GRIP1: variants seen among roughly 807,000 people sequenced by gnomAD.
GRIP1 encodes glutamate receptor-interacting protein 1.
GRIP1 carries 45 observed loss-of-function variants against 129.9 expected under a neutral mutation model. That is an observed-to-expected ratio of 0.35 (90% CI 0.27 to 0.44). GRIP1 has a LOEUF of 0.44. Among genes scored for constraint, GRIP1 ranks in the 20% least tolerant of loss-of-function variants. The pLI is 1.00. For missense variants in GRIP1, 1,196 were observed against 1,396.8 expected (o/e 0.86, Z 2.29); for synonymous variants, 530 against 520.8 (o/e 1.02, Z -0.24).
intron 1 of GRIP1, among the ~76,000 whole-genome samples, chr12:66,763,640 G>T (rs552254100): frequency 6.6e-6 from 1 of 152,068 alleles, no homozygotes; most frequent in African/African-American, 2.4e-5. Flanking sequence ...ATAAAGCCAC[G>T]GAAGACAACC....
chr12:66,533,965 T>G lies in GRIP1; in HGVS notation c.419-4051A>C, dbSNP rs187058706. ...GACTCAAACTGCTGTGATCCTGAGA[T>G]AGCTACCAGTCTTGGCCTTGGGTCG... On this transcript the variant is annotated intron_variant, in intron 4 of 24. Coordinates refer to ENST00000359742, the MANE Select transcript of GRIP1 (RefSeq NM_001366722.1). Among the ~76,000 whole-genome samples the G allele has an allele frequency of 3.9e-5, 6 of 152,234 alleles. No individual in the cohort carries two copies. In the East Asian group the frequency reaches 1.2e-3, roughly 29 times the overall value.
chr12:66,514,570 G>C lies in GRIP1; in HGVS notation c.724+1049C>G, dbSNP rs188355358. Among the ~76,000 whole-genome samples the C allele has an allele frequency of 3.3e-5, 5 of 152,134 alleles. No homozygotes were observed. The South Asian group carries it at 1.0e-3, about 32-fold the overall frequency. On this transcript the variant is annotated intron_variant, in intron 7 of 24. Transcript: ENST00000359742. ...GGAAGGAAGGATGGAGAGAAGAAAG[G>C]AGAGAGGAAAAAAGCAAGGTGGAAA... is the stretch of plus-strand genomic sequence containing the variant.
At chr12:66,637,203 C>A (rs10784565) in intron 1 of GRIP1, among the ~76,000 whole-genome samples, 1 of 151,648 alleles carries the variant, frequency 6.6e-6, no homozygotes, top group Non-Finnish European at 1.5e-5. Flanking sequence ...AGAGTAGAAA[C>A]TGTATAAAAT....
At chr12:66,693,302 T>C (rs1228988700) in intron 1 of GRIP1, among the ~76,000 whole-genome samples, 3 of 152,198 alleles carry the variant, frequency 2.0e-5, no homozygotes, top group South Asian at 2.1e-4. Context: ...GAAATGTCTA[T>C]AGTTTATTTA....
intron 13 of GRIP1, among the ~76,000 whole-genome samples, chr12:66,442,370 G>A (rs1160636347): frequency 6.6e-6 from 1 of 152,102 alleles, no homozygotes; most frequent in Admixed American, 6.6e-5. Context: ...TCTTCCGAGA[G>A]CCTTACAAGG....
intron 5 of GRIP1, among the ~76,000 whole-genome samples, chr12:66,521,505 T>C (rs1055910288): frequency 2.6e-5 from 4 of 152,246 alleles, no homozygotes; most frequent in African/African-American, 7.2e-5. Context: ...AAATGTGAAC[T>C]GTTAAAACAT....
intron 1 of GRIP1, among the ~76,000 whole-genome samples, chr12:66,868,469 T>C (rs1454290544): frequency 1.3e-5 from 2 of 151,912 alleles, no homozygotes. Flanking sequence ...GATGAGGAAA[T>C]TGTAGCCCCA....
intron 1 of GRIP1, among the ~76,000 whole-genome samples, chr12:66,866,285 A>C (rs1195082014): frequency 6.6e-5 from 10 of 152,126 alleles, no homozygotes; most frequent in Admixed American, 6.6e-5. Context: ...GCTGGGTGGC[A>C]TAGTGACACC....
chr12:66,925,966 T>A (rs1750009989), intron 1 of GRIP1, among the ~76,000 whole-genome samples: 1 of 152,154 alleles, frequency 6.6e-6, no homozygotes, highest in African/African-American at 2.4e-5. Flanking sequence ...TTAAGAAAAT[T>A]TCTGAAAAAT....
At chr12:67,052,962 C>T (rs1049838858) in intron 1 of GRIP1, among the ~76,000 whole-genome samples, 3 of 152,146 alleles carry the variant, frequency 2.0e-5, no homozygotes, top group African/African-American at 7.2e-5. Flanking sequence ...GCCCAAATCT[C>T]TATCCTAAAA....
At chr12:66,376,334 A>T (rs578180692) in intron 22 of GRIP1, among the ~76,000 whole-genome samples, 40 of 152,356 alleles carry the variant, frequency 2.6e-4, no homozygotes, top group African/African-American at 9.4e-4. Flanking sequence ...CACATTCCTT[A>T]TGGTGACTTG....
At chr12:66,903,199 G>A (rs997498074) in intron 1 of GRIP1, among the ~76,000 whole-genome samples, 4 of 151,712 alleles carry the variant, frequency 2.6e-5, no homozygotes, top group Admixed American at 6.6e-5. Flanking sequence ...AAAATTTAGA[G>A]CACTACACCG....
intron 5 of GRIP1, among the ~76,000 whole-genome samples, chr12:66,523,587 A>G (rs1306360149): frequency 6.6e-6 from 1 of 152,166 alleles, no homozygotes; most frequent in Non-Finnish European, 1.5e-5. Context: ...GCCAAAATGT[A>G]AAGACCATCG....
chr12:66,587,765 G>A (rs1749940609), intron 2 of GRIP1, among the ~76,000 whole-genome samples: 1 of 152,192 alleles, frequency 6.6e-6, no homozygotes, highest in African/African-American at 2.4e-5. Flanking sequence ...CACGGGTGAA[G>A]GGCAAGGGAT....
intron 23 of GRIP1, among the ~76,000 whole-genome samples, chr12:66,363,404 CTTTT>C (rs565776414): frequency 4.5e-5 from 6 of 133,504 alleles, no homozygotes; most frequent in Admixed American, 7.6e-5. Flanking sequence ...CCACATCTGG[CTTTT>C]TTTTTTTTTT....
At chr12:66,763,306 C>T (rs2037529615) in intron 1 of GRIP1, among the ~76,000 whole-genome samples, 1 of 152,098 alleles carries the variant, frequency 6.6e-6, no homozygotes, top group African/African-American at 2.4e-5. Flanking sequence ...ATTCTTTCTT[C>T]CAAGCTTCCC....
intron 19 of GRIP1, among the ~76,000 whole-genome samples, chr12:66,381,197 A>G (rs1227432016): frequency 6.6e-6 from 1 of 152,222 alleles, no homozygotes; most frequent in African/African-American, 2.4e-5. Flanking sequence ...TTAGGACACC[A>G]AGGATTAGAA....
chr12:66,410,249 CAAAAAAA>C (rs1177155122), intron 15 of GRIP1, among the ~76,000 whole-genome samples: 2 of 47,430 alleles, frequency 4.2e-5, no homozygotes. Context: ...GACTCCGTCT[CAAAAAAA>C]AAAAAAAAAA....
At chr12:66,442,905 T>TA (rs918814526) in intron 13 of GRIP1, among the ~76,000 whole-genome samples, 2 of 152,214 alleles carry the variant, frequency 1.3e-5, no homozygotes, top group Non-Finnish European at 2.9e-5. Context: ...ATAAGCTTTT[T>TA]AAAAAATATA....
Sources: gnomAD v4.1 joint callset for allele counts (sites outside exome capture counted in the v4.1 genomes callset) on GRCh38, gnomAD v4.1.1 for gene constraint, MANE v1.5 for transcripts, NCBI Gene and HGNC (gene_info 2026-07-23, HGNC 2026-07-21) for gene names.